Variants in OCRL observed in about 807,000 individuals in gnomAD.
The protein encoded by OCRL is inositol polyphosphate 5-phosphatase OCRL.
Under a neutral mutation model 78.9 loss-of-function variants are expected in OCRL, and 8 were observed. That is an observed-to-expected ratio of 0.10 (90% CI 0.06 to 0.18). OCRL has a LOEUF of 0.18. Among genes scored for constraint, OCRL ranks in the 10% least tolerant of loss-of-function variants. The pLI, the probability that OCRL is intolerant of heterozygous loss-of-function variation, is 1.00. For missense variants in OCRL, 454 were observed against 696.7 expected, an observed-to-expected ratio of 0.65 and a Z score of 3.92; for synonymous variants, 240 against 235.4, an observed-to-expected ratio of 1.02 and a Z score of -0.18.
intron 4 of OCRL, among the ~76,000 whole-genome samples, chrX:129,554,152 T>TA (rs369917592): frequency 0.18 from 17,340 of 98,466 alleles, 2,906 homozygotes; most frequent in African/African-American, 0.49. Flanking sequence ...CCCATCAGAT[T>TA]AAAAAAAAAA....
At chrX:129,588,326 C>T in intron 21 of OCRL, 63 bp downstream of exon 21, 1 of 795,759 alleles carries the variant, frequency 1.3e-6, no homozygotes, top group Non-Finnish European at 1.9e-6. Context: ...TTCTTCGCAC[C>T]TATATTTGAT....
chrX:129,565,572 C>T (rs758102373), intron 12 of OCRL, among the ~76,000 whole-genome samples, 200 bp from the exon 13 acceptor site: 2 of 112,260 alleles, frequency 1.8e-5, no homozygotes, highest in Non-Finnish European at 3.8e-5. Flanking sequence ...GTCCTCTTCT[C>T]CTACCTATTT....
intron 18 of OCRL, among the ~76,000 whole-genome samples, chrX:129,578,424 A>G (rs1317370123): frequency 9.6e-6 from 1 of 104,559 alleles, no homozygotes; most frequent in Non-Finnish European, 2.0e-5. Flanking sequence ...CATTTCCTAA[A>G]TTTTTCTGGT....
chrX:129,589,671 G>A, intron 22 of OCRL, 174 bp from the exon 23 acceptor site: 2 of 462,223 alleles, frequency 4.3e-6, no homozygotes. Flanking sequence ...CTCTTACTTT[G>A]AAGTTATAAT....
At chrX:129,558,189 C>T (rs1320624967) in intron 6 of OCRL, among the ~76,000 whole-genome samples, 1 of 111,883 alleles carries the variant, frequency 8.9e-6, no homozygotes, top group Admixed American at 9.5e-5. Context: ...AGCCAGACAG[C>T]CTGGATTTGA....
chrX:129,544,431 C>G (rs997079102), intron 2 of OCRL, among the ~76,000 whole-genome samples: 1 of 111,403 alleles, frequency 9.0e-6, no homozygotes. Context: ...CTGAGCACCC[C>G]CTCTTACTCC....
intron 19 of OCRL, among the ~76,000 whole-genome samples, chrX:129,586,271 G>A (rs1476863233): frequency 8.9e-6 from 1 of 112,025 alleles, no homozygotes; most frequent in East Asian, 2.8e-4. Context: ...GATGAAAGGA[G>A]TAAAAGCCCC....
At chrX:129,560,698 C>G in intron 9 of OCRL, 47 bp downstream of exon 9, 3 of 875,136 alleles carry the variant, frequency 3.4e-6, no homozygotes. Context: ...GTTTGGTGTT[C>G]ATTTACATGA....
At chrX:129,540,651 C>T (rs868321795) in intron 1 of OCRL, 93 bp from the exon 2 acceptor site, 20 of 168,716 alleles carry the variant, frequency 1.2e-4, no homozygotes, top group South Asian at 6.3e-4. Context: ...GGGAGGGCGG[C>T]GGTGGGGGGG....
intron 18 of OCRL, among the ~76,000 whole-genome samples, chrX:129,583,088 T>A (rs1936466103): frequency 1.8e-5 from 2 of 111,928 alleles, no homozygotes; most frequent in South Asian, 7.6e-4. Context: ...CCATTGGTTT[T>A]AGGCTGCTTC....
At chrX:129,542,453 AC>A (rs937554752) in intron 2 of OCRL, among the ~76,000 whole-genome samples, 6 of 107,200 alleles carry the variant, frequency 5.6e-5, no homozygotes, top group African/African-American at 2.0e-4. Context: ...ATACATATAA[AC>A]TATAGTTTAT....
At position 129,574,387 on chromosome X, in the gene OCRL, T is replaced by C. The variant is rs763970928; in HGVS notation, c.1603-753T>C. ...CACAGCTATATCAGGAAGCTGAAAG[T>C]GCTGTGTCAGGTGGAAAATTTTTTT... On this transcript the variant is annotated intron_variant, in intron 15 of 23. Transcript: ENST00000371113. Among the ~76,000 whole-genome samples the C allele has an allele frequency of 2.7e-5, 3 of 112,849 alleles. No individual in the cohort carries two copies. The South Asian group carries it at 1.1e-3, about 41-fold the overall frequency.
intron 18 of OCRL, among the ~76,000 whole-genome samples, chrX:129,583,792 T>G (rs1936474941): frequency 9.0e-6 from 1 of 111,555 alleles, no homozygotes; most frequent in African/African-American, 3.3e-5. Context: ...GAAATGAAAT[T>G]CATTTATAGT....
chrX:129,575,298 C>CAGT, intron 16 of OCRL, 48 bp downstream of exon 16: 3 of 872,302 alleles, frequency 3.4e-6, no homozygotes, highest in Non-Finnish European at 5.1e-6. Context: ...CTGTGGTTAG[C>CAGT]ACAGAAGAAA....
chrX:129,550,937 GT>G (rs113308111), intron 4 of OCRL, among the ~76,000 whole-genome samples: 3,311 of 96,319 alleles, frequency 0.034, 108 homozygotes, highest in African/African-American at 0.1. Flanking sequence ...ATTTGACAGG[GT>G]TTTTTTTTTT....
intron 15 of OCRL, among the ~76,000 whole-genome samples, chrX:129,570,010 A>AT (rs766824101): frequency 5.5e-5 from 6 of 108,350 alleles, no homozygotes; most frequent in African/African-American, 1.7e-4. Flanking sequence ...TGCCCAGCGA[A>AT]TTTTTTTTTA....
intron 15 of OCRL, among the ~76,000 whole-genome samples, chrX:129,571,523 G>A (rs778516866): frequency 3.9e-4 from 42 of 108,825 alleles, no homozygotes; most frequent in African/African-American, 1.1e-3. Context: ...TAGTAGAGAC[G>A]GGGTTTCACC....
At chrX:129,559,031 A>C in intron 8 of OCRL, 30 bp downstream of exon 8, 3 of 1,169,377 alleles carry the variant, frequency 2.6e-6, no homozygotes, top group Non-Finnish European at 3.5e-6. Flanking sequence ...CCTGAGTCTA[A>C]AAAGTTAGTA....
At chrX:129,581,393 T>A (rs977207494) in intron 18 of OCRL, among the ~76,000 whole-genome samples, 1 of 111,737 alleles carries the variant, frequency 8.9e-6, no homozygotes, top group Non-Finnish European at 1.9e-5. Flanking sequence ...CTCTGCTCTT[T>A]AAAATTGGTT....
Sources: allele counts gnomAD v4.1 joint callset (sites outside exome capture counted in the v4.1 genomes callset), GRCh38; gene constraint gnomAD v4.1.1; transcripts MANE v1.5; gene names NCBI Gene and HGNC (gene_info 2026-07-23, HGNC 2026-07-21).